EPB41L5: variants seen among roughly 807,000 people sequenced by gnomAD.
The protein encoded by EPB41L5 is band 4.1-like protein 5.
A neutral mutation model predicts 106.6 loss-of-function variants in EPB41L5; 55 were observed. The ratio of observed to expected loss-of-function variants is 0.52; its 90% CI spans 0.42 to 0.65. The LOEUF (loss-of-function observed/expected upper bound fraction) is 0.65. EPB41L5 is among the 30% of genes least tolerant of loss of function. The pLI is 0.00. For missense variants in EPB41L5, 871 were observed against 882.1 expected (o/e 0.99, Z 0.16); for synonymous variants, 297 against 306.7 (o/e 0.97, Z 0.33).
intron 15 of EPB41L5, 78 bp downstream of exon 15, chr2:120,100,364 A>G: frequency 7.4e-7 from 1 of 1,358,888 alleles, no homozygotes. Context: ...TTGGATTTTC[A>G]TAGTGGTGTA....
intron 3 of EPB41L5, among the ~76,000 whole-genome samples, chr2:120,056,853 G>A (rs1490707779): frequency 6.6e-6 from 1 of 151,984 alleles, no homozygotes; most frequent in Admixed American, 6.6e-5. Context: ...AGAAGTTTTT[G>A]ATTATTGACT....
chr2:120,088,247 T>A (rs1343470458), intron 11 of EPB41L5, among the ~76,000 whole-genome samples: 1 of 152,228 alleles, frequency 6.6e-6, no homozygotes, highest in African/African-American at 2.4e-5. Flanking sequence ...AATGGGATAC[T>A]ATGCAGCCAT....
At chr2:120,095,692 G>A (rs565663006) in intron 14 of EPB41L5, among the ~76,000 whole-genome samples, 7 of 151,364 alleles carry the variant, frequency 4.6e-5, no homozygotes, top group South Asian at 2.1e-4. Flanking sequence ...TTTTTGAGAC[G>A]GAGTCTTGCT....
chr2:120,053,952 T>G (rs1044124604), intron 3 of EPB41L5, among the ~76,000 whole-genome samples: 6 of 152,150 alleles, frequency 3.9e-5, no homozygotes, highest in African/African-American at 1.4e-4. Flanking sequence ...TTCCAGCTAC[T>G]TGGGAGGCTC....
intron 10 of EPB41L5, among the ~76,000 whole-genome samples, chr2:120,083,859 C>G (rs1682868313): frequency 6.6e-6 from 1 of 152,104 alleles, no homozygotes; most frequent in Non-Finnish European, 1.5e-5. Context: ...ATGTAATGGC[C>G]TTCTTTGTCT....
At chr2:120,110,330 C>T (rs1286534058) in intron 16 of EPB41L5, among the ~76,000 whole-genome samples, 1 of 152,176 alleles carries the variant, frequency 6.6e-6, no homozygotes, top group Admixed American at 6.5e-5. Context: ...GCCTACTTAT[C>T]TCTCCAACCC....
Position 120,080,740 on chromosome 2 carries a change from C to A in EPB41L5, c.803+2159C>A, listed in dbSNP as rs536858568. On this transcript the variant is annotated intron_variant, in intron 10 of 24. Transcript: ENST00000263713. ...GTCCCACCAACAGTGCAAAAGTGTTCCTGTGTCTCCACATTCTGTCCAGCA... is the reference window on the plus strand; with the variant it reads ...GTCCCACCAACAGTGCAAAAGTGTTACTGTGTCTCCACATTCTGTCCAGCA... Among the ~76,000 whole-genome samples the A allele has an allele frequency of 1.2e-4, 18 of 152,330 alleles. No homozygotes were observed. The East Asian group carries it at 2.1e-3, about 18-fold the overall frequency.
At chr2:120,166,474 A>G (rs1428101244) in intron 22 of EPB41L5, among the ~76,000 whole-genome samples, 1 of 147,658 alleles carries the variant, frequency 6.8e-6, no homozygotes, top group African/African-American at 2.5e-5. Flanking sequence ...TTTTTTTTTG[A>G]GATGGAGTCT....
At chr2:120,047,897 T>C (rs1371305310) in intron 3 of EPB41L5, among the ~76,000 whole-genome samples, 1 of 152,252 alleles carries the variant, frequency 6.6e-6, no homozygotes, top group Non-Finnish European at 1.5e-5. Flanking sequence ...TCAAAGGCCT[T>C]TTCTGCATCT....
intron 11 of EPB41L5, among the ~76,000 whole-genome samples, chr2:120,089,572 T>G (rs959115776): frequency 5.9e-5 from 9 of 152,176 alleles, no homozygotes; most frequent in African/African-American, 2.2e-4. Context: ...ATTTATTCAT[T>G]TATCCCTCTG....
At chr2:120,046,294 G>A (rs547126040) in intron 3 of EPB41L5, among the ~76,000 whole-genome samples, 2 of 152,134 alleles carry the variant, frequency 1.3e-5, no homozygotes, top group East Asian at 3.9e-4. Flanking sequence ...TTGTTCCTAT[G>A]TCTCCACTTC....
At chr2:120,138,752 A>G (rs1686042859) in intron 18 of EPB41L5, among the ~76,000 whole-genome samples, 1 of 152,062 alleles carries the variant, frequency 6.6e-6, no homozygotes, top group Non-Finnish European at 1.5e-5. Context: ...CAATGTCCAT[A>G]CTTCCCAAAG....
chr2:120,094,027 G>A (rs574911823), intron 14 of EPB41L5, among the ~76,000 whole-genome samples: 2 of 152,178 alleles, frequency 1.3e-5, no homozygotes, highest in South Asian at 4.1e-4. Flanking sequence ...TTTCACCCAG[G>A]CTGCAGTACA....
At chr2:120,109,998 AT>A (rs1684647586) in intron 16 of EPB41L5, among the ~76,000 whole-genome samples, 2 of 152,340 alleles carry the variant, frequency 1.3e-5, no homozygotes, top group Admixed American at 1.3e-4. Flanking sequence ...TTCCGAAAAG[AT>A]TAGTGTATTT....
intron 2 of EPB41L5, among the ~76,000 whole-genome samples, chr2:120,025,624 A>T (rs1318096244): frequency 4.6e-5 from 7 of 152,164 alleles, no homozygotes; most frequent in African/African-American, 1.7e-4. Flanking sequence ...ATTATGTAAG[A>T]CTGTATATAG....
Position 120,111,736 on chromosome 2 carries a change from G to T in EPB41L5, c.1337+10922G>T, listed in dbSNP as rs146821668. Among the ~76,000 whole-genome samples, 114 of 151,950 alleles carry T rather than the reference G, an allele frequency of 7.5e-4. No homozygotes were observed. The East Asian group carries it at 0.019, about 25-fold the overall frequency. On this transcript the variant is annotated intron_variant, in intron 16 of 24. Transcript: ENST00000263713. The stretch of plus-strand genomic sequence containing the variant: ...ATTGCCCTTGCTCCTCTACTGTCTG[G>T]TACTCCTTTCAGCAGCTGTAGTGAT...
Position 120,131,809 on chromosome 2 carries a change from C to T in EPB41L5, c.1599+94C>T, listed in dbSNP as rs1045978388. 7.8e-6 allele frequency: 7 copies of T among 892,080 alleles called. No individual in the cohort carries two copies. In the Admixed American group the frequency reaches 1.1e-4, roughly 14 times the overall value. 55.3% of individuals were successfully genotyped at this position (892,080 alleles called of 1,614,324 possible). On this transcript the variant is annotated intron_variant, in intron 18 of 24. Transcript: ENST00000263713. Reference sequence around the variant, plus strand: ...AGACAGTACTTTCTTTTTTCTTTAGCTGGGAAATCTGTCTGTGCTGAGTTC... The same window carrying T: ...AGACAGTACTTTCTTTTTTCTTTAGTTGGGAAATCTGTCTGTGCTGAGTTC...
chr2:120,018,301 C>T (rs1039748958), intron 1 of EPB41L5, among the ~76,000 whole-genome samples: 2 of 151,912 alleles, frequency 1.3e-5, no homozygotes, highest in African/African-American at 4.8e-5. Flanking sequence ...CAAAGGATAC[C>T]TTAGTGTCTG....
At chr2:120,056,958 G>A (rs893820627) in intron 3 of EPB41L5, among the ~76,000 whole-genome samples, 11 of 152,008 alleles carry the variant, frequency 7.2e-5, no homozygotes, top group Admixed American at 5.9e-4. Context: ...GTGTAGTGAC[G>A]CCATCACAGC....
Sources: gnomAD v4.1 joint callset for allele counts (sites outside exome capture counted in the v4.1 genomes callset) on GRCh38, gnomAD v4.1.1 for gene constraint, MANE v1.5 for transcripts, NCBI Gene and HGNC (gene_info 2026-07-23, HGNC 2026-07-21) for gene names.